POT1: variants seen among roughly 807,000 people sequenced by gnomAD.
POT1 encodes protection of telomeres 1.
Under a neutral mutation model 78.5 loss-of-function variants are expected in POT1, and 47 were observed. The observed-to-expected ratio is 0.60, with a 90% CI of 0.47 to 0.76. The LOEUF (loss-of-function observed/expected upper bound fraction) is 0.76. Ranked by LOEUF, POT1 falls within the 30% of genes least tolerant of loss-of-function variation. The probability of loss-of-function intolerance (pLI) is 0.00; values close to 1 mark genes in which losing one functional copy is unlikely to be tolerated. For synonymous variants in POT1, 259 were observed against 260.7 expected (o/e 0.99, Z 0.06); for missense variants, 646 against 749.9 (o/e 0.86, Z 1.62).
intron 2 of POT1, among the ~76,000 whole-genome samples, chr7:124,924,005 G>A (rs1296891967): frequency 6.6e-6 from 1 of 151,154 alleles, no homozygotes; most frequent in Non-Finnish European, 1.5e-5. Context: ...AACAACGCGG[G>A]ACTCAGTAGT....
chr7:124,881,018 T>A (rs1313069123), intron 6 of POT1, among the ~76,000 whole-genome samples: 1 of 152,036 alleles, frequency 6.6e-6, no homozygotes, highest in Non-Finnish European at 1.5e-5. Context: ...TAAGGTTATC[T>A]ATAAAATAAT....
chr7:124,846,164 C>CACACACACAT (rs1235775199), intron 12 of POT1, among the ~76,000 whole-genome samples: 6 of 150,432 alleles, frequency 4.0e-5, no homozygotes, highest in Admixed American at 6.6e-5. Flanking sequence ...TTCATACTGA[C>CACACACACAT]ACACACACAC....
rs2116420457 is a variant in POT1, at chr7:124,828,859, T to C, written c.1594+395A>G. ...AGTGTACAAATAAATAGCTATACAA[T>C]GACATTTCAGGCTAGTAGAAGCTGA... On this transcript the variant is annotated intron_variant, in intron 16 of 18. Transcript: ENST00000357628. The C allele has an allele frequency of 7.6e-6, 4 of 526,226 alleles. No homozygotes were observed. The East Asian group carries it at 2.1e-4, about 28-fold the overall frequency. 32.6% of individuals were successfully genotyped at this position (526,226 alleles called of 1,614,324 possible). A position where few individuals can be genotyped will look rare whatever the true frequency, so the allele number is the denominator to read the frequency against.
At chr7:124,843,419 G>C (rs570478462) in intron 12 of POT1, among the ~76,000 whole-genome samples, 4 of 152,248 alleles carry the variant, frequency 2.6e-5, no homozygotes, top group South Asian at 4.1e-4. Context: ...TATAAAATCA[G>C]ATTAAGAATA....
At chr7:124,909,684 T>A (rs1199109021) in intron 3 of POT1, among the ~76,000 whole-genome samples, 2 of 151,962 alleles carry the variant, frequency 1.3e-5, no homozygotes, top group Non-Finnish European at 2.9e-5. Flanking sequence ...AGTGTAGTTC[T>A]ATTCTATTTT....
chr7:124,865,230 G>A (rs1795691779), intron 7 of POT1, among the ~76,000 whole-genome samples: 1 of 151,972 alleles, frequency 6.6e-6, no homozygotes, highest in South Asian at 2.1e-4. Context: ...TTGATTTCAA[G>A]ATTTTTCTCT....
intron 4 of POT1, among the ~76,000 whole-genome samples, chr7:124,898,019 C>A (rs943539748): frequency 1.3e-5 from 2 of 151,774 alleles, no homozygotes; most frequent in African/African-American, 4.8e-5. Context: ...AATGTCTGTG[C>A]GGTTTTGTAA....
At chr7:124,915,787 A>AG (rs1797001261) in intron 2 of POT1, 141 bp from the exon 3 acceptor site, 1 of 152,148 alleles carries the variant, frequency 6.6e-6, no homozygotes, top group Non-Finnish European at 1.5e-5. Flanking sequence ...TAACTATTTT[A>AG]AGACAAGAAA....
intron 14 of POT1, among the ~76,000 whole-genome samples, chr7:124,840,039 A>G (rs1301525709): frequency 6.6e-6 from 1 of 151,608 alleles, no homozygotes; most frequent in South Asian, 2.1e-4. Flanking sequence ...TCACAGCAAA[A>G]TTAAGAGGAA....
chr7:124,906,457 G>A (rs2116672591), intron 3 of POT1, among the ~76,000 whole-genome samples: 2 of 145,230 alleles, frequency 1.4e-5, no homozygotes, highest in East Asian at 2.1e-4. Context: ...CTTGGACACA[G>A]GGTGGGGAAC....
chr7:124,900,589 G>A (rs1162815043), intron 3 of POT1, among the ~76,000 whole-genome samples: 2 of 151,938 alleles, frequency 1.3e-5, no homozygotes, highest in African/African-American at 2.4e-5. Context: ...TGTGAGCCAC[G>A]CAGAAGACGG....
intron 6 of POT1, among the ~76,000 whole-genome samples, chr7:124,889,872 C>T: frequency 6.6e-6 from 1 of 151,960 alleles, no homozygotes; most frequent in East Asian, 1.9e-4. Context: ...CACACAAGAG[C>T]TCTGATGGAG....
intron 6 of POT1, among the ~76,000 whole-genome samples, chr7:124,872,452 C>A (rs1390982851): frequency 6.6e-6 from 1 of 152,176 alleles, no homozygotes; most frequent in African/African-American, 2.4e-5. Context: ...TCTCTTCATG[C>A]AGGGTATCCA....
At position 124,870,977 on chromosome 7, in the gene POT1, A is replaced by G; in HGVS notation, c.189T>C (p.Ser63=). The G allele has an allele frequency of 7.4e-6, 12 of 1,610,928 alleles. No individual in the cohort carries two copies. Among genetic ancestry groups the G allele is most frequent in the Non-Finnish European group, 1.0e-5 (12 of 1,178,002 alleles). ...TTATTGGAAGGGCTTCATAGTTTCC[A>G]CTAAAGAGCAGGCAAGTTAGTTTTA... ...TNVKLTCLLF[S]GNYEALPIIY... Residue 63 remains serine, a synonymous_variant, in exon 7 of 19, where the codon AGT becomes AGC. Transcript: ENST00000357628.
intron 12 of POT1, among the ~76,000 whole-genome samples, chr7:124,844,760 A>T (rs1584759902): frequency 1.4e-5 from 2 of 146,834 alleles, no homozygotes; most frequent in Admixed American, 6.8e-5. Context: ...AAAAAAGGCC[A>T]TTGGCAGACC....
intron 6 of POT1, among the ~76,000 whole-genome samples, chr7:124,874,486 C>T (rs1174560739): frequency 1.3e-5 from 2 of 152,084 alleles, no homozygotes; most frequent in Non-Finnish European, 2.9e-5. Flanking sequence ...GTAATCCTAG[C>T]ACTTTGGGAG....
chr7:124,910,638 G>A (rs1339939419), intron 3 of POT1, among the ~76,000 whole-genome samples: 1 of 151,880 alleles, frequency 6.6e-6, no homozygotes, highest in African/African-American at 2.4e-5. Flanking sequence ...GACCTTATTT[G>A]CTATTGAACT....
Position 124,863,556 on chromosome 7 carries a change from TA to T in POT1, c.339del (p.Ile114SerfsTer20), listed in dbSNP as rs773663245. The T allele has an allele frequency of 6.2e-7, 1 of 1,613,858 alleles. No individual in the cohort carries two copies. The highest frequency in any genetic ancestry group is 8.5e-7 in the Non-Finnish European group (1 of 1,179,828). ...SLTFEGTLGAPIIPRTSSKYF... is the reference protein window; with the variant it reads ...SLTFEGTLGAXIIPRTSSKYF... ...TACTTGCTTGAAGTGCGAGGTATGA[TA>T]GGGGCTCCCAAAGTTCCCTCAAACG... On this transcript the variant is annotated frameshift_variant, in exon 8 of 19. Coordinates refer to ENST00000357628, the MANE Select transcript of POT1 (RefSeq NM_015450.3). LOFTEE classifies it high-confidence loss of function.
chr7:124,896,035 C>T (rs1473763385), intron 5 of POT1, among the ~76,000 whole-genome samples: 1 of 151,476 alleles, frequency 6.6e-6, no homozygotes, highest in Non-Finnish European at 1.5e-5. Context: ...CTAAAAACAC[C>T]CTGGTCCTCA....
Sources: gnomAD v4.1 joint callset for allele counts (sites outside exome capture counted in the v4.1 genomes callset) on GRCh38, gnomAD v4.1.1 for gene constraint, MANE v1.5 for transcripts, NCBI Gene and HGNC (gene_info 2026-07-23, HGNC 2026-07-21) for gene names.